PROKR2: variants seen among roughly 807,000 people sequenced by gnomAD.
PROKR2 encodes the protein prokineticin receptor 2, also known as G protein-coupled receptor 73-like 1.
Under a neutral mutation model 23.4 loss-of-function variants are expected in PROKR2, and 26 were observed. The ratio of observed to expected loss-of-function variants is 1.11; its 90% CI spans 0.81 to 1.54. The LOEUF is 1.54. PROKR2 is among the 40% of genes most tolerant of loss of function. The probability of loss-of-function intolerance (pLI) is 0.00; values close to 1 mark genes in which losing one functional copy is unlikely to be tolerated. For missense variants in PROKR2, 453 were observed against 511.5 expected (o/e 0.89, Z 1.10); for synonymous variants, 212 against 201.2 (o/e 1.05, Z -0.45).
Position 5,302,204 on chromosome 20 carries a change from CG to C in PROKR2, c.990del (p.Val331CysfsTer4), listed in dbSNP as rs747971737. On this transcript the variant is annotated frameshift_variant, in exon 3 of 3. Transcript: ENST00000678254. LOFTEE classifies it high-confidence loss of function. ...TTGTTCTTGACCGTCACGAAGCACA[CG>C]GTGTTGATCATGCTGTTGCTCATGG... ...CIAMSNSMIN[T>X]VCFVTVKNNT... The C allele has an allele frequency of 3.7e-6, 6 of 1,614,200 alleles. No individual in the cohort carries two copies. The highest frequency in any genetic ancestry group is 5.1e-6 in the Non-Finnish European group (6 of 1,180,036).
intron 2 of PROKR2, among the ~76,000 whole-genome samples, chr20:5,305,520 C>T (rs1285453933): frequency 6.6e-6 from 1 of 152,132 alleles, no homozygotes; most frequent in South Asian, 2.1e-4. Flanking sequence ...AAAGCAGAGC[C>T]AGGAGAGCGT....
chr20:5,310,253 T>G (rs528439522), intron 2 of PROKR2, among the ~76,000 whole-genome samples: 1 of 152,176 alleles, frequency 6.6e-6, no homozygotes, highest in Non-Finnish European at 1.5e-5. Context: ...ATGTGTTTCT[T>G]TGGGCCAATC....
In PROKR2 at chr20:5,316,214, G is replaced by A. The variant is rs1388094902; in HGVS notation, c.-9+280C>T. On this transcript the variant is annotated intron_variant, in intron 1 of 2. Coordinates refer to ENST00000678254, the MANE Select transcript of PROKR2 (RefSeq NM_144773.4). The surrounding 1 kb of genome is among the most constrained non-coding windows in gnomAD (Gnocchi z 5.0). Reference sequence around the variant, plus strand: ...CTACCTGCACCCTCCCCTGCAATTTGGAGCTCGTCCGCGAGCTCAGCTACC... The same window carrying A: ...CTACCTGCACCCTCCCCTGCAATTTAGAGCTCGTCCGCGAGCTCAGCTACC... The A allele has an allele frequency of 1.1e-5, 5 of 456,430 alleles. No homozygotes were observed. Among genetic ancestry groups the A allele is most frequent in the Non-Finnish European group, 2.2e-5 (5 of 226,942 alleles). 28.3% of individuals were successfully genotyped at this position (456,430 alleles called of 1,614,324 possible). A position where few individuals can be genotyped will look rare whatever the true frequency, so the allele number is the denominator to read the frequency against.
At chr20:5,308,057 T>A (rs1296427489) in intron 2 of PROKR2, among the ~76,000 whole-genome samples, 1 of 151,458 alleles carries the variant, frequency 6.6e-6, no homozygotes, top group Non-Finnish European at 1.5e-5. Flanking sequence ...TGATTGTGCT[T>A]TTAATCTGTG....
rs1180199391 is a variant in PROKR2 at position 5,302,359 on chromosome 20, C to A, written c.836G>T (p.Cys279Phe). 6.2e-7 allele frequency: 1 copy of A among 1,614,252 alleles called. No homozygotes were observed. Among genetic ancestry groups the A allele is most frequent in the Admixed American group, 1.7e-5 (1 of 60,032 alleles). The change falls in exon 3 of 3, where the codon TGC becomes TTC. Residue 279 changes from cysteine (C) to phenylalanine (F), a missense_variant. By Grantham distance (205) the Cys-to-Phe change is radical. Coordinates refer to ENST00000678254, the MANE Select transcript of PROKR2 (RefSeq NM_144773.4). ...CRRKTVLVLMCILTAYVLCWA... is the reference protein window; with the variant it reads ...CRRKTVLVLMFILTAYVLCWA... ...GCACAGCACATAGGCCGTGAGAATG[C>A]ACATGAGCACCAGGACCGTCTTCCT...
At chr20:5,303,708 G>A (rs1979099823) in intron 2 of PROKR2, among the ~76,000 whole-genome samples, 1 of 152,096 alleles carries the variant, frequency 6.6e-6, no homozygotes, top group Admixed American at 6.5e-5. Context: ...AGGGGGTAGG[G>A]GAGGAATGCT....
chr20:5,315,958 C>A (rs748380014), intron 1 of PROKR2: 5 of 456,318 alleles, frequency 1.1e-5, no homozygotes, highest in Non-Finnish European at 2.2e-5. Flanking sequence ...CGCCCGGGAG[C>A]GACCCGTTCC....
At chr20:5,311,068 G>T (rs1482222591) in intron 2 of PROKR2, among the ~76,000 whole-genome samples, 1 of 152,202 alleles carries the variant, frequency 6.6e-6, no homozygotes, top group Non-Finnish European at 1.5e-5. Context: ...TGTAAGCAAT[G>T]AAATGTTTCA....
intron 2 of PROKR2, among the ~76,000 whole-genome samples, chr20:5,303,875 T>C (rs1979109139): frequency 6.6e-6 from 1 of 152,098 alleles, no homozygotes; most frequent in African/African-American, 2.4e-5. Context: ...AACCTGGCCA[T>C]AAACTGGCGT....
Position 5,306,067 on chromosome 20 carries a change from C to A in PROKR2, c.459-3331G>T, listed in dbSNP as rs574011913. Among the ~76,000 whole-genome samples the A allele has an allele frequency of 5.3e-5, 8 of 152,290 alleles. No homozygotes were observed. The South Asian group carries it at 1.2e-3, about 24-fold the overall frequency. ...CTTAATTGGAAAGACAAAGTTCCCA[C>A]CAAAGACTAGGATAACATTTTTGAT... is the stretch of plus-strand genomic sequence containing the variant. On this transcript the variant is annotated intron_variant, in intron 2 of 2. Coordinates refer to ENST00000678254, the MANE Select transcript of PROKR2 (RefSeq NM_144773.4).
rs570733476 is a variant in PROKR2 at position 5,300,252 on chromosome 20, A to G, written c.*1788T>C. Among the ~76,000 whole-genome samples the G allele has an allele frequency of 1.1e-4, 17 of 152,340 alleles. No individual in the cohort carries two copies. Among genetic ancestry groups the G allele is most frequent in the Admixed American group, 9.8e-4 (15 of 15,302 alleles). On this transcript the variant is annotated 3_prime_UTR_variant, in exon 3 of 3. Transcript: ENST00000678254. Reference sequence around the variant, plus strand: ...CAGCACTAGGGTGCTATTTTGCAACATGCAGGGAGGACTGTCAACACTTCT... The same window carrying G: ...CAGCACTAGGGTGCTATTTTGCAACGTGCAGGGAGGACTGTCAACACTTCT...
chr20:5,311,291 G>A (rs1979433846), intron 2 of PROKR2, among the ~76,000 whole-genome samples: 1 of 152,168 alleles, frequency 6.6e-6, no homozygotes, highest in South Asian at 2.1e-4. Context: ...GGCAGGATAG[G>A]GAGAAAGGGT....
At chr20:5,313,840 C>T (rs1979534934) in intron 2 of PROKR2, 72 bp downstream of exon 2, 2 of 1,261,996 alleles carry the variant, frequency 1.6e-6, no homozygotes, top group Admixed American at 1.9e-5. Flanking sequence ...GCAATGTCAG[C>T]CTGTCAGAGC....
At chr20:5,310,034 T>C (rs1324310688) in intron 2 of PROKR2, among the ~76,000 whole-genome samples, 1 of 152,150 alleles carries the variant, frequency 6.6e-6, no homozygotes, top group Non-Finnish European at 1.5e-5. Context: ...TCACTTTTGG[T>C]TGGGGGACTC....
At position 5,300,297 on chromosome 20, in the gene PROKR2, G is replaced by C. The variant is rs1031869398; in HGVS notation, c.*1743C>G. 6.6e-6 allele frequency among the ~76,000 whole-genome samples: 1 copy of C among 152,248 alleles called. No homozygotes were observed. Among genetic ancestry groups the C allele is most frequent in the East Asian group, 1.9e-4 (1 of 5,206 alleles). On this transcript the variant is annotated 3_prime_UTR_variant, in exon 3 of 3. Coordinates refer to ENST00000678254, the MANE Select transcript of PROKR2 (RefSeq NM_144773.4). ...ACTTCTAAGACCGCAGGGATGCTGA[G>C]AGTCTTGGGGTCACTGAGAATCTGA...
At chr20:5,303,329 C>G (rs1979083289) in intron 2 of PROKR2, among the ~76,000 whole-genome samples, 1 of 152,172 alleles carries the variant, frequency 6.6e-6, no homozygotes, top group Non-Finnish European at 1.5e-5. Flanking sequence ...GCTTCCCCTC[C>G]CATGAGCTGT....
intron 2 of PROKR2, among the ~76,000 whole-genome samples, chr20:5,304,462 C>T (rs1010945200): frequency 6.6e-5 from 10 of 152,208 alleles, no homozygotes; most frequent in African/African-American, 2.4e-4. Context: ...AACTCCTGCT[C>T]AGTTCTTACA....
chr20:5,302,886 C>T (rs1600578064), intron 2 of PROKR2, 150 bp from the exon 3 acceptor site: 2 of 664,200 alleles, frequency 3.0e-6, no homozygotes, highest in African/African-American at 1.8e-5. Flanking sequence ...ATTTTAGCAA[C>T]ATCATTTGGC....
At chr20:5,309,466 G>A (rs73073736) in intron 2 of PROKR2, among the ~76,000 whole-genome samples, 77,412 of 151,796 alleles carry the variant, frequency 0.51, 20,027 homozygotes, top group African/African-American at 0.61. Context: ...AGGGTCAATC[G>A]AGTTTCTTGC....
Sources: allele counts gnomAD v4.1 joint callset (sites outside exome capture counted in the v4.1 genomes callset), GRCh38; gene constraint gnomAD v4.1.1; non-coding constraint Gnocchi (gnomAD v3.1); transcripts MANE v1.5; gene names NCBI Gene and HGNC (gene_info 2026-07-23, HGNC 2026-07-21).